Variants in ADAM12 observed in about 807,000 individuals in gnomAD.
The protein encoded by ADAM12 is ADAM metallopeptidase domain 12.
Under a neutral mutation model 106.4 loss-of-function variants are expected in ADAM12, and 70 were observed. The observed-to-expected ratio is 0.66, with a 90% CI of 0.54 to 0.80. The LOEUF is 0.80. ADAM12 is among the 30% of genes least tolerant of loss of function. The pLI is 0.00. For missense variants in ADAM12, 1,010 were observed against 1,171.9 expected (o/e 0.86, Z 2.02); for synonymous variants, 420 against 433.5 (o/e 0.97, Z 0.39).
At chr10:126,232,821 G>A (rs1262205477) in intron 3 of ADAM12, among the ~76,000 whole-genome samples, 1 of 152,196 alleles carries the variant, frequency 6.6e-6, no homozygotes, top group Non-Finnish European at 1.5e-5. Flanking sequence ...TAGACAAATA[G>A]TGGTAGGACT....
chr10:126,051,572 T>TTCATCCAGCCAG (rs1954495783), intron 14 of ADAM12, among the ~76,000 whole-genome samples: 1 of 85,498 alleles, frequency 1.2e-5, no homozygotes, highest in Non-Finnish European at 2.3e-5. Context: ...CATCCATCCA[T>TTCATCCAGCCAG]CCATCCATCC....
intron 2 of ADAM12, among the ~76,000 whole-genome samples, chr10:126,289,030 T>G (rs1960019677): frequency 7.4e-6 from 1 of 135,282 alleles, no homozygotes. Flanking sequence ...GGAATAAGAT[T>G]GTGTGGTGAC....
intron 3 of ADAM12, among the ~76,000 whole-genome samples, chr10:126,237,708 A>C (rs899235181): frequency 6.6e-6 from 1 of 152,224 alleles, no homozygotes; most frequent in Non-Finnish European, 1.5e-5. Context: ...CGTTTGTAGC[A>C]AAACGTTCCC....
At chr10:126,296,196 T>C (rs1960371926) in intron 2 of ADAM12, among the ~76,000 whole-genome samples, 1 of 152,176 alleles carries the variant, frequency 6.6e-6, no homozygotes, top group Non-Finnish European at 1.5e-5. Flanking sequence ...GCCTGGAGTA[T>C]AGTGGTACAA....
At chr10:126,371,251 G>A (rs1856106004) in intron 1 of ADAM12, among the ~76,000 whole-genome samples, 1 of 152,160 alleles carries the variant, frequency 6.6e-6, no homozygotes, top group South Asian at 2.1e-4. Context: ...ATCCCTTTAT[G>A]GAATTCCTCA....
intron 3 of ADAM12, among the ~76,000 whole-genome samples, chr10:126,216,046 C>T (rs1003882751): frequency 2.6e-5 from 4 of 152,154 alleles, no homozygotes; most frequent in East Asian, 1.9e-4. Flanking sequence ...TTTTGTTTTC[C>T]CCTTTCGAGG....
intron 2 of ADAM12, among the ~76,000 whole-genome samples, chr10:126,307,684 G>A (rs572392271): frequency 1.3e-5 from 2 of 152,178 alleles, no homozygotes; most frequent in Admixed American, 6.5e-5. Flanking sequence ...GGGACTTCAG[G>A]TGCATGCCAC....
intron 6 of ADAM12, among the ~76,000 whole-genome samples, chr10:126,117,015 C>T (rs1354493984): frequency 6.6e-6 from 1 of 152,146 alleles, no homozygotes; most frequent in African/African-American, 2.4e-5. Context: ...TGTTCTCGGA[C>T]AGTCAAATAT....
intron 2 of ADAM12, among the ~76,000 whole-genome samples, chr10:126,317,826 T>C (rs182973045): frequency 6.6e-6 from 1 of 152,192 alleles, no homozygotes; most frequent in East Asian, 1.9e-4. Flanking sequence ...TGGTGCAATG[T>C]TGGCTCACTG....
intron 10 of ADAM12, 109 bp from the exon 11 acceptor site, chr10:126,094,242 T>A: frequency 9.2e-7 from 1 of 1,087,724 alleles, no homozygotes; most frequent in Non-Finnish European, 1.3e-6. Flanking sequence ...TGACTTAATG[T>A]AATTCCTTAT....
rs373767013 is a variant in ADAM12, at chr10:126,337,058, G to T, written c.89-6549C>A. On this transcript the variant is annotated intron_variant, in intron 1 of 22. Coordinates refer to ENST00000448723, the MANE Select transcript of ADAM12 (RefSeq NM_001288973.2). ...TTACTCAGGTTTTCCAGAACCAACA[G>T]AATATGTGTATATAAAACAGGGAGT... Among the ~76,000 whole-genome samples the T allele has an allele frequency of 1.4e-4, 22 of 152,318 alleles. No individual in the cohort carries two copies. In the East Asian group the frequency reaches 4.2e-3, roughly 29 times the overall value.
intron 4 of ADAM12, among the ~76,000 whole-genome samples, chr10:126,143,704 ATG>A (rs1334761970): frequency 6.6e-5 from 10 of 151,588 alleles, no homozygotes; most frequent in East Asian, 1.9e-4. Context: ...ATGTGTGTAT[ATG>A]TGTGTGTGTG....
intron 1 of ADAM12, among the ~76,000 whole-genome samples, chr10:126,357,542 A>G (rs1855584975): frequency 6.6e-6 from 1 of 152,190 alleles, no homozygotes; most frequent in South Asian, 2.1e-4. Context: ...TAATAAAGAC[A>G]TACCCAAGAC....
chr10:126,136,416 G>T (rs1033979055), intron 4 of ADAM12, among the ~76,000 whole-genome samples: 1 of 152,144 alleles, frequency 6.6e-6, no homozygotes, highest in African/African-American at 2.4e-5. Flanking sequence ...AGTATACTCA[G>T]TACTCCTCAC....
At chr10:126,099,813 A>G (rs1169096848) in intron 9 of ADAM12, among the ~76,000 whole-genome samples, 2 of 152,224 alleles carry the variant, frequency 1.3e-5, no homozygotes, top group South Asian at 4.1e-4. Flanking sequence ...CAAATGTTCA[A>G]TAGCTACATT....
rs147075155 is a variant in ADAM12, at chr10:126,323,189, T to C, written c.186+7223A>G. On this transcript the variant is annotated intron_variant, in intron 2 of 22. Transcript: ENST00000448723. The stretch of plus-strand genomic sequence containing the variant: ...GGCTGGCTTGGAAGCTAATGTAAAA[T>C]AGATGCTTCCTAAGTCTGAAAGGCT... Among the ~76,000 whole-genome samples the C allele has an allele frequency of 4.6e-5, 7 of 152,320 alleles. No individual in the cohort carries two copies. The East Asian group carries it at 9.7e-4, about 21-fold the overall frequency.
chr10:126,182,769 C>A (rs1957336460), intron 3 of ADAM12, among the ~76,000 whole-genome samples: 1 of 152,190 alleles, frequency 6.6e-6, no homozygotes, highest in Non-Finnish European at 1.5e-5. Context: ...AGCGTCTCTT[C>A]TACTTGGATG....
At chr10:126,331,616 A>G (rs1321456091) in intron 1 of ADAM12, among the ~76,000 whole-genome samples, 1 of 152,234 alleles carries the variant, frequency 6.6e-6, no homozygotes, top group Non-Finnish European at 1.5e-5. Flanking sequence ...CAGAGTGTTT[A>G]AAACTCTCAG....
At chr10:126,167,883 T>TA (rs1957052169) in intron 3 of ADAM12, among the ~76,000 whole-genome samples, 1 of 152,138 alleles carries the variant, frequency 6.6e-6, no homozygotes, top group Non-Finnish European at 1.5e-5. Flanking sequence ...ATTTTATAGA[T>TA]ATAGGAATTG....
Sources: gnomAD v4.1 joint callset for allele counts (sites outside exome capture counted in the v4.1 genomes callset) on GRCh38, gnomAD v4.1.1 for gene constraint, MANE v1.5 for transcripts, NCBI Gene and HGNC (gene_info 2026-07-23, HGNC 2026-07-21) for gene names.